Variants in FRMD4B observed in about 807,000 individuals in gnomAD.
FRMD4B encodes FERM domain-containing protein 4B.
A neutral mutation model predicts 141.5 loss-of-function variants in FRMD4B; 74 were observed. The observed-to-expected ratio is 0.52, with a 90% CI of 0.43 to 0.63. FRMD4B has a LOEUF of 0.63. Among genes scored for constraint, FRMD4B ranks in the 30% least tolerant of loss-of-function variants. The pLI is 0.00. For missense variants in FRMD4B, 1,366 were observed against 1,253.4 expected (o/e 1.09, Z -1.36); for synonymous variants, 506 against 467.9 (o/e 1.08, Z -1.05).
upstream of FRMD4B, chr3:69,386,275 C>T: frequency 3.1e-6 from 1 of 320,008 alleles, no homozygotes; most frequent in Non-Finnish European, 5.7e-6. Flanking sequence ...CCAAGCTGGC[C>T]CTCGATGCTC....
chr3:69,192,031 C>A (rs1240097324), intron 17 of FRMD4B, among the ~76,000 whole-genome samples: 1 of 151,952 alleles, frequency 6.6e-6, no homozygotes, highest in Non-Finnish European at 1.5e-5. Flanking sequence ...TAAGTACCAG[C>A]AAAAAATAAT....
chr3:69,188,431 A>C (rs963029650), intron 18 of FRMD4B, among the ~76,000 whole-genome samples: 2 of 152,216 alleles, frequency 1.3e-5, no homozygotes, highest in Non-Finnish European at 2.9e-5. Flanking sequence ...AGCATGACCA[A>C]ACATCACCTC....
intron 1 of FRMD4B, among the ~76,000 whole-genome samples, chr3:69,454,815 C>T (rs371627141): frequency 3.0e-4 from 46 of 152,342 alleles, no homozygotes; most frequent in East Asian, 1.5e-3. Context: ...GGAGGGCAGG[C>T]GCACCATGCA....
intron 1 of FRMD4B, chr3:69,535,733 T>TGG (rs34397575): frequency 1.6e-5 from 7 of 433,430 alleles, no homozygotes; most frequent in Non-Finnish European, 3.3e-5. Flanking sequence ...CACGGGCACT[T>TGG]GGGGGTCTCT....
intron 9 of FRMD4B, among the ~76,000 whole-genome samples, chr3:69,219,703 G>A (rs890241572): frequency 2.6e-5 from 4 of 151,808 alleles, no homozygotes; most frequent in African/African-American, 9.7e-5. Context: ...GTGATTTGCT[G>A]TACCTAACAA....
chr3:69,381,080 T>C (rs1211395619), intron 1 of FRMD4B, among the ~76,000 whole-genome samples: 1 of 152,226 alleles, frequency 6.6e-6, no homozygotes, highest in African/African-American at 2.4e-5. Context: ...TGTCTGCTAC[T>C]TTAGCCAAAT....
chr3:69,215,284 C>CTGTTTTTTTTTTTTTTT (rs2093128901), intron 11 of FRMD4B, among the ~76,000 whole-genome samples: 2 of 45,208 alleles, frequency 4.4e-5, no homozygotes, highest in East Asian at 4.7e-4. Context: ...TTGTGACCCT[C>CTGTTTTTTTTTTTTTTT]TTTTTTTTTT....
At chr3:69,293,558 T>C (rs1337054565) in intron 4 of FRMD4B, among the ~76,000 whole-genome samples, 3 of 152,018 alleles carry the variant, frequency 2.0e-5, no homozygotes, top group African/African-American at 7.2e-5. Context: ...GGAACATCTT[T>C]AAAGCTTTAA....
chr3:69,343,862 G>A (rs1702833678), intron 1 of FRMD4B, among the ~76,000 whole-genome samples: 1 of 152,010 alleles, frequency 6.6e-6, no homozygotes, highest in African/African-American at 2.4e-5. Flanking sequence ...TTACAGGCGT[G>A]AACCACCACA....
intron 11 of FRMD4B, among the ~76,000 whole-genome samples, chr3:69,203,110 T>C (rs6772387): frequency 0.087 from 13,087 of 151,104 alleles, 572 homozygotes; most frequent in Middle Eastern, 0.11. Context: ...TGTTGATGGT[T>C]TTAGAATAAT....
intron 9 of FRMD4B, among the ~76,000 whole-genome samples, chr3:69,219,295 C>A (rs1490261109): frequency 6.6e-6 from 1 of 152,126 alleles, no homozygotes; most frequent in Non-Finnish European, 1.5e-5. Context: ...CGCTTCCTCT[C>A]TGCCCGCAAG....
intron 5 of FRMD4B, among the ~76,000 whole-genome samples, chr3:69,276,879 C>A (rs1210511929): frequency 6.6e-6 from 1 of 152,144 alleles, no homozygotes; most frequent in African/African-American, 2.4e-5. Context: ...GCAGGAGAAT[C>A]GCATGAACCT....
chr3:69,234,855 A>G (rs977791597), intron 7 of FRMD4B, among the ~76,000 whole-genome samples: 2 of 152,070 alleles, frequency 1.3e-5, no homozygotes, highest in Non-Finnish European at 2.9e-5. Flanking sequence ...CACAACATAA[A>G]ACAGAGATTT....
At chr3:69,536,535 G>C (rs1701088311) in intron 1 of FRMD4B, 1 of 700,504 alleles carries the variant, frequency 1.4e-6, no homozygotes, top group Non-Finnish European at 2.6e-6. Flanking sequence ...CCGTGCGGGG[G>C]GTGGGGAATA....
chr3:69,206,864 G>A (rs2093028792), intron 11 of FRMD4B, among the ~76,000 whole-genome samples: 1 of 149,922 alleles, frequency 6.7e-6, no homozygotes, highest in Non-Finnish European at 1.5e-5. Context: ...TTTTTTTTTG[G>A]TGGAGGGGAG....
At chr3:69,460,893 T>C (rs1705697309) in intron 1 of FRMD4B, among the ~76,000 whole-genome samples, 1 of 152,228 alleles carries the variant, frequency 6.6e-6, no homozygotes, top group Non-Finnish European at 1.5e-5. Flanking sequence ...TAAGACTCCT[T>C]CCAGCTCTAA....
chr3:69,373,193 T>C (rs895610647), intron 1 of FRMD4B, among the ~76,000 whole-genome samples: 4 of 152,240 alleles, frequency 2.6e-5, no homozygotes, highest in African/African-American at 9.6e-5. Context: ...AGAATAGATG[T>C]GGCAGTTTTA....
rs79707447 is a variant in FRMD4B, at chr3:69,232,428, G to C, written c.582-7738C>G. Among the ~76,000 whole-genome samples, 22 of 152,228 alleles carry C rather than the reference G, an allele frequency of 1.4e-4. No individual in the cohort carries two copies. The East Asian group carries it at 2.3e-3, about 16-fold the overall frequency. Reference sequence around the variant, plus strand: ...CTTAGGCATTCCAGATTCCTATTTCGATAACTTTCCAGAAGGAAGCTGCCC... The same window carrying C: ...CTTAGGCATTCCAGATTCCTATTTCCATAACTTTCCAGAAGGAAGCTGCCC... On this transcript the variant is annotated intron_variant, in intron 7 of 22. Transcript: ENST00000398540.
At chr3:69,236,265 G>GT (rs1223405941) in intron 7 of FRMD4B, among the ~76,000 whole-genome samples, 1 of 143,760 alleles carries the variant, frequency 7.0e-6, no homozygotes, top group African/African-American at 2.6e-5. Flanking sequence ...GTCTCGCTCT[G>GT]TTGCCCAGGC....
Sources: gnomAD v4.1 joint callset for allele counts (sites outside exome capture counted in the v4.1 genomes callset) on GRCh38, gnomAD v4.1.1 for gene constraint, MANE v1.5 for transcripts, NCBI Gene and HGNC (gene_info 2026-07-23, HGNC 2026-07-21) for gene names.